The following ACBD7 variants were observed in gnomAD, a reference collection of about 807,000 sequenced individuals.
ACBD7 encodes acyl-CoA binding domain containing 7.
Under a neutral mutation model 13.7 loss-of-function variants are expected in ACBD7, and 11 were observed. The observed-to-expected ratio is 0.80, with a 90% CI of 0.50 to 1.33. The LOEUF is 1.33. Ranked by LOEUF, ACBD7 falls within the 40% of genes most tolerant of loss-of-function variation. The pLI is 0.00. For synonymous variants in ACBD7, 43 were observed against 37.7 expected (o/e 1.14, Z -0.51); for missense variants, 111 against 103.0 (o/e 1.08, Z -0.33).
At chr10:15,082,237 G>A (rs901574319) in intron 1 of ACBD7, among the ~76,000 whole-genome samples, 1 of 134,270 alleles carries the variant, frequency 7.4e-6, no homozygotes, top group African/African-American at 2.9e-5. Flanking sequence ...AGTGAGCCGA[G>A]ATCATGCCAC....
At chr10:15,080,342 T>G (rs1844735815) in intron 1 of ACBD7, among the ~76,000 whole-genome samples, 2 of 152,026 alleles carry the variant, frequency 1.3e-5, no homozygotes, top group Non-Finnish European at 2.9e-5. Context: ...CACTTTGGGA[T>G]GCTGAGGCAG....
intron 1 of ACBD7, among the ~76,000 whole-genome samples, chr10:15,082,928 C>T (rs905499919): frequency 6.6e-6 from 1 of 152,088 alleles, no homozygotes; most frequent in Non-Finnish European, 1.5e-5. Flanking sequence ...ATCCCAGCTA[C>T]TCAGGAGACT....
intron 1 of ACBD7, among the ~76,000 whole-genome samples, chr10:15,082,758 T>C (rs1446888382): frequency 3.3e-5 from 5 of 152,094 alleles, no homozygotes. Context: ...ATATGAGGGC[T>C]GGGTGCAGTG....
At chr10:15,084,387 A>G (rs967869487) in intron 1 of ACBD7, among the ~76,000 whole-genome samples, 1 of 152,174 alleles carries the variant, frequency 6.6e-6, no homozygotes, top group Non-Finnish European at 1.5e-5. Context: ...TTAAATATAG[A>G]GCCATGGACA....
chr10:15,088,456 T>C (rs768949972), intron 1 of ACBD7: 6 of 534,698 alleles, frequency 1.1e-5, no homozygotes, highest in Non-Finnish European at 2.0e-5. Flanking sequence ...GCCCGCTCCG[T>C]GCTCCCCGGC....
chr10:15,075,864 C>T lies in ACBD7; in HGVS notation c.*2666G>A, dbSNP rs1341488052. ...TTGCACGCACCTGTAGTCCCAGCTACTCTGGAGGCTGAGATGGGAGGATTG... is the reference window on the plus strand; with the variant it reads ...TTGCACGCACCTGTAGTCCCAGCTATTCTGGAGGCTGAGATGGGAGGATTG... On this transcript the variant is annotated 3_prime_UTR_variant, in exon 4 of 4. Transcript: ENST00000356189. Among the ~76,000 whole-genome samples the T allele has an allele frequency of 6.6e-6, 1 of 151,428 alleles. No individual in the cohort carries two copies. The highest frequency in any genetic ancestry group is 1.5e-5 in the Non-Finnish European group (1 of 67,942).
chr10:15,079,268 CTTTT>C (rs36008210), intron 1 of ACBD7, among the ~76,000 whole-genome samples: 3 of 126,438 alleles, frequency 2.4e-5, no homozygotes, highest in Admixed American at 8.5e-5. Flanking sequence ...GGTTTAACTT[CTTTT>C]TTTTTTTTTT....
rs1234710461 is a variant in ACBD7 at position 15,077,314 on chromosome 10, T to C, written c.*1216A>G. Among the ~76,000 whole-genome samples, 3 of 151,984 alleles carry C rather than the reference T, an allele frequency of 2.0e-5. No individual in the cohort carries two copies. Among genetic ancestry groups the C allele is most frequent in the East Asian group, 1.9e-4 (1 of 5,186 alleles). On this transcript the variant is annotated 3_prime_UTR_variant, in exon 4 of 4. Transcript: ENST00000356189. ...ACGTGGGTGGAACTGGAGGCTATTA[T>C]CTTAAGTGAAACAACTCAGAAAAAA... is the stretch of plus-strand genomic sequence containing the variant.
In ACBD7 at chr10:15,075,973, CAACA is replaced by C. The variant is rs745632340; in HGVS notation, c.*2553_*2556del. On this transcript the variant is annotated 3_prime_UTR_variant, in exon 4 of 4. Transcript: ENST00000356189. Reference sequence around the variant, plus strand: ...TGGGTAACAGAGTGACAGCCTGTCTCAACAAAAAAAAAAAAAAAAAAAAAGAAAA... The same window carrying C: ...TGGGTAACAGAGTGACAGCCTGTCTCAAAAAAAAAAAAAAAAAAAAGAAAA... 6.1e-6 allele frequency: 2 copies of C among 329,210 alleles called. No individual in the cohort carries two copies. Among genetic ancestry groups the C allele is most frequent in the Non-Finnish European group, 6.9e-6 (2 of 289,352 alleles). 20.4% of individuals were successfully genotyped at this position (329,210 alleles called of 1,614,324 possible). A position where few individuals can be genotyped will look rare whatever the true frequency, so the allele number is the denominator to read the frequency against.
At chr10:15,079,104 G>T in intron 1 of ACBD7, 64 bp from the exon 2 acceptor site, 1 of 1,034,122 alleles carries the variant, frequency 9.7e-7, no homozygotes, top group Non-Finnish European at 1.4e-6. Flanking sequence ...GGAACTCAAA[G>T]AGCAGGAAGA....
chr10:15,085,985 T>C (rs564617847), intron 1 of ACBD7, among the ~76,000 whole-genome samples: 2 of 152,308 alleles, frequency 1.3e-5, no homozygotes, highest in African/African-American at 4.8e-5. Flanking sequence ...GATTTCAATA[T>C]GTCAGCCAGT....
At chr10:15,087,881 C>T (rs6602808) in intron 1 of ACBD7, among the ~76,000 whole-genome samples, 2 of 151,324 alleles carry the variant, frequency 1.3e-5, no homozygotes, top group East Asian at 3.9e-4. Context: ...CCAGCTACTG[C>T]GGAGGCTGAG....
Position 15,076,408 on chromosome 10 carries a change from T to A in ACBD7, c.*2122A>T, listed in dbSNP as rs376964150. On this transcript the variant is annotated 3_prime_UTR_variant, in exon 4 of 4. Transcript: ENST00000356189. ...CTAGATACATTTTAGTTTGCCTTTTTGTCTTAAATGTCTTAAATGTAAAAA... is the reference window on the plus strand; with the variant it reads ...CTAGATACATTTTAGTTTGCCTTTTAGTCTTAAATGTCTTAAATGTAAAAA... 1.4e-5 allele frequency: 14 copies of A among 979,522 alleles called. No homozygotes were observed. In the East Asian group the frequency reaches 3.4e-4, roughly 24 times the overall value. The allele number at this position is 979,522 out of a possible 1,614,324, so 60.7% of individuals were successfully genotyped here.
At chr10:15,080,334 C>A (rs1489343365) in intron 1 of ACBD7, among the ~76,000 whole-genome samples, 2 of 152,110 alleles carry the variant, frequency 1.3e-5, no homozygotes, top group Non-Finnish European at 2.9e-5. Context: ...AATCCTAGCA[C>A]TTTGGGATGC....
intron 1 of ACBD7, among the ~76,000 whole-genome samples, chr10:15,079,584 C>CA (rs1844726094): frequency 7.4e-6 from 1 of 134,732 alleles, no homozygotes. Flanking sequence ...GGTGAGTTTG[C>CA]TTTTTTTTTT....
At chr10:15,086,268 T>C (rs970914137) in intron 1 of ACBD7, among the ~76,000 whole-genome samples, 81 of 151,864 alleles carry the variant, frequency 5.3e-4, no homozygotes, top group African/African-American at 1.7e-3. Context: ...GATCACGCCA[T>C]TGCACTCCAG....
At chr10:15,079,925 T>C (rs894901903) in intron 1 of ACBD7, among the ~76,000 whole-genome samples, 1 of 151,580 alleles carries the variant, frequency 6.6e-6, no homozygotes, top group Non-Finnish European at 1.5e-5. Flanking sequence ...ATTGAAGGTT[T>C]CTCAATCACC....
At chr10:15,087,766 A>C (rs191834257) in intron 1 of ACBD7, among the ~76,000 whole-genome samples, 12 of 150,172 alleles carry the variant, frequency 8.0e-5, no homozygotes, top group Admixed American at 6.7e-4. Flanking sequence ...TGACAGAGTG[A>C]GACTCCATCT....
chr10:15,085,735 G>A (rs1488914328), intron 1 of ACBD7, among the ~76,000 whole-genome samples: 1 of 152,204 alleles, frequency 6.6e-6, no homozygotes, highest in Non-Finnish European at 1.5e-5. Context: ...CTTTGGTGAG[G>A]ATGGAAACAT....
Sources: gnomAD v4.1 joint callset for allele counts (sites outside exome capture counted in the v4.1 genomes callset) on GRCh38, gnomAD v4.1.1 for gene constraint, MANE v1.5 for transcripts, NCBI Gene and HGNC (gene_info 2026-07-23, HGNC 2026-07-21) for gene names.